The following ASXL3 variants were observed in gnomAD, a reference collection of about 807,000 sequenced individuals.
The protein encoded by ASXL3 is putative Polycomb group protein ASXL3.
In ASXL3, 34 loss-of-function variants were observed where a neutral mutation model predicts 170.6. The ratio of observed to expected loss-of-function variants is 0.20; its 90% CI spans 0.15 to 0.27. The LOEUF is 0.27. ASXL3 is among the 10% of genes least tolerant of loss of function. ASXL3 has a pLI of 1.00. For missense variants in ASXL3, 2,592 were observed against 2,695.3 expected (o/e 0.96, Z 0.85); for synonymous variants, 1,002 against 989.1 (o/e 1.01, Z -0.24).
In ASXL3 at chr18:33,739,484, C is replaced by G; in HGVS notation, c.2080C>G (p.Leu694Val). ...TTCACCTGAAATATCAGAAGCATCT[C>G]TTATGTCCAACTTACCATTAACATC... is the stretch of plus-strand genomic sequence containing the variant. ...STSPEISEASLMSNLPLTSEA... is the reference protein window; with the variant it reads ...STSPEISEASVMSNLPLTSEA... Residue 694 changes from leucine (L) to valine (V), a missense_variant, in exon 11 of 12, where the codon CTT becomes GTT. Leu to Val is a conservative substitution (Grantham distance 32, BLOSUM62 1). This residue lies in a region of ASXL3 where 2,246 missense variants were observed against 2,219.6 expected (regional missense o/e 1.01). Transcript: ENST00000269197. The G allele has an allele frequency of 6.2e-7, 1 of 1,613,968 alleles. No homozygotes were observed. The highest frequency in any genetic ancestry group is 8.5e-7 in the Non-Finnish European group (1 of 1,179,872).
chr18:33,688,073 T>C (rs2066626303), intron 8 of ASXL3, among the ~76,000 whole-genome samples: 1 of 152,222 alleles, frequency 6.6e-6, no homozygotes, highest in Non-Finnish European at 1.5e-5. Flanking sequence ...GGGAGAATAC[T>C]GGTATTTCAT....
rs61734123 is a variant in ASXL3 at position 33,739,987 on chromosome 18, A to G, written c.2583A>G (p.Ile861Met). Residue 861 changes from isoleucine (I) to methionine (M), a missense_variant, in exon 11 of 12, where the codon ATA becomes ATG. Ile to Met is a conservative substitution (Grantham distance 10). Coordinates refer to ENST00000269197, the MANE Select transcript of ASXL3 (RefSeq NM_030632.3). ...CAGAACTTGCTTCTACTGAAATGAT[A>G]AAAGTTAAAAATCATAGCGTCCTGC... ...SIPELASTEM[I>M]KVKNHSVLQR... The G allele has an allele frequency of 9.9e-6, 16 of 1,613,838 alleles. No homozygotes were observed. Among genetic ancestry groups the G allele is most frequent in the East Asian group, 2.2e-5 (1 of 44,900 alleles).
intron 2 of ASXL3, among the ~76,000 whole-genome samples, chr18:33,639,946 C>T (rs190791636): frequency 8.8e-4 from 134 of 152,150 alleles, no homozygotes; most frequent in African/African-American, 3.1e-3. Context: ...AAAAGAGTGC[C>T]AATACTGCAT....
At position 33,742,320 on chromosome 18, in the gene ASXL3, G is replaced by C. The variant is rs1466957923; in HGVS notation, c.3040-568G>C. ...GCAGCATGCAAGGTAGCATAGGAGT[G>C]CATAAAAATCATAGAGTTCTTGGCT... On this transcript the variant is annotated intron_variant, in intron 11 of 11. Transcript: ENST00000269197. Among the ~76,000 whole-genome samples, 4 of 152,160 alleles carry C rather than the reference G, an allele frequency of 2.6e-5. No homozygotes were observed. In the East Asian group the frequency reaches 7.7e-4, roughly 29 times the overall value.
chr18:33,742,621 TAAG>T (rs2067683027), intron 11 of ASXL3, among the ~76,000 whole-genome samples: 2 of 152,228 alleles, frequency 1.3e-5, no homozygotes, highest in South Asian at 4.1e-4. Flanking sequence ...TATGATGCAT[TAAG>T]AAGATTCTTC....
At chr18:33,731,868 A>G in intron 8 of ASXL3, 100 bp from the exon 9 acceptor site, 2 of 803,906 alleles carry the variant, frequency 2.5e-6, no homozygotes, top group Non-Finnish European at 4.1e-6. Context: ...CTCCTCACAC[A>G]TACACTGCCC....
chr18:33,646,368 T>C lies in ASXL3; in HGVS notation c.355+15T>C, dbSNP rs749391964. On this transcript the variant is annotated intron_variant, in intron 4 of 11. Coordinates refer to ENST00000269197, the MANE Select transcript of ASXL3 (RefSeq NM_030632.3). ...AGAAAATGGAGGTAAGTGTGATGAA[T>C]TCCAAAATATAATCCCTTGTTCTCT... 6.4e-7 allele frequency: 1 copy of C among 1,556,362 alleles called. No homozygotes were observed. Among genetic ancestry groups the C allele is most frequent in the Non-Finnish European group, 8.8e-7 (1 of 1,132,314 alleles).
At chr18:33,690,277 T>C (rs1053783034) in intron 8 of ASXL3, 3 of 152,194 alleles carry the variant, frequency 2.0e-5, no homozygotes, top group African/African-American at 7.2e-5. Flanking sequence ...AAGCCATGGT[T>C]CCCATTAGTG....
In ASXL3 at chr18:33,578,646, G is replaced by A. The variant is rs748441065; in HGVS notation, c.15G>A (p.Arg5=). 7.3e-6 allele frequency: 10 copies of A among 1,362,902 alleles called. No homozygotes were observed. Among genetic ancestry groups the A allele is most frequent in the African/African-American group, 1.5e-5 (1 of 65,768 alleles). The allele number at this position is 1,362,902 out of a possible 1,614,324, so 84.4% of individuals were successfully genotyped here. ...GAGATGCAAACATGAAAGACAAGAG[G>A]AAGAAGAAGGACCGCACCTGGGCCG... MKDK[R]KKKDRTWAEA... Residue 5 remains arginine (R), a synonymous_variant, in exon 1 of 12, where the codon AGG becomes AGA. Coordinates refer to ENST00000269197, the MANE Select transcript of ASXL3 (RefSeq NM_030632.3).
At chr18:33,698,944 C>T (rs530973153) in intron 8 of ASXL3, among the ~76,000 whole-genome samples, 42 of 152,136 alleles carry the variant, frequency 2.8e-4, no homozygotes, top group African/African-American at 8.7e-4. Flanking sequence ...AGGCTGTGCC[C>T]GTTCGTGCTA....
At chr18:33,588,655 G>T (rs567529859) in intron 1 of ASXL3, among the ~76,000 whole-genome samples, 1 of 152,182 alleles carries the variant, frequency 6.6e-6, no homozygotes, top group Non-Finnish European at 1.5e-5. Flanking sequence ...ACACATTCAG[G>T]AGAATCAAAT....
chr18:33,650,894 G>A (rs1162699337), intron 4 of ASXL3, among the ~76,000 whole-genome samples: 1 of 152,040 alleles, frequency 6.6e-6, no homozygotes, highest in African/African-American at 2.4e-5. Flanking sequence ...TCTATGTATA[G>A]CTTATTAATC....
chr18:33,694,013 T>C (rs1407541962), intron 8 of ASXL3, among the ~76,000 whole-genome samples: 1 of 152,178 alleles, frequency 6.6e-6, no homozygotes, highest in African/African-American at 2.4e-5. Flanking sequence ...TAACACACTT[T>C]GGATATGATC....
intron 10 of ASXL3, 24 bp from the exon 11 acceptor site, chr18:33,738,463 A>G: frequency 6.4e-7 from 1 of 1,564,208 alleles, no homozygotes; most frequent in African/African-American, 1.4e-5. Flanking sequence ...GTTGAGCAAT[A>G]ATTTATTTCT....
chr18:33,653,812 T>A (rs1014750916), intron 4 of ASXL3, among the ~76,000 whole-genome samples: 7 of 152,002 alleles, frequency 4.6e-5, no homozygotes, highest in African/African-American at 1.7e-4. Context: ...TAGAGAATAT[T>A]TTTTTCTTTA....
chr18:33,744,257 C>G lies in ASXL3; in HGVS notation c.4409C>G (p.Pro1470Arg). Residue 1470 changes from proline to arginine, a missense_variant, in exon 12 of 12, where the codon CCG becomes CGG. Physicochemically the swap from Pro to Arg is moderately radical, Grantham distance 103. This residue lies in a region of ASXL3 where 2,246 missense variants were observed against 2,219.6 expected (regional missense o/e 1.01). Transcript: ENST00000269197. ...FAPAAINRSIPCKVIVDHSTT... is the reference protein window; with the variant it reads ...FAPAAINRSIRCKVIVDHSTT... The stretch of plus-strand genomic sequence containing the variant: ...CCAGCAGCCATAAACCGATCAATTC[C>G]GTGTAAAGTCATCGTTGACCACAGC... The G allele has an allele frequency of 6.2e-7, 1 of 1,613,966 alleles. No homozygotes were observed. The highest frequency in any genetic ancestry group is 8.5e-7 in the Non-Finnish European group (1 of 1,179,894).
intron 8 of ASXL3, among the ~76,000 whole-genome samples, chr18:33,721,104 G>A (rs1259317776): frequency 6.6e-6 from 1 of 151,948 alleles, no homozygotes; most frequent in Non-Finnish European, 1.5e-5. Context: ...AATGAAACCT[G>A]TTTCTCTTAG....
chr18:33,746,425 G>A lies in ASXL3; in HGVS notation c.6577G>A (p.Ala2193Thr), dbSNP rs764681709. 6 of 1,613,904 alleles carry A rather than the reference G, an allele frequency of 3.7e-6. No homozygotes were observed. The highest frequency in any genetic ancestry group is 1.6e-4 in the Middle Eastern group (1 of 6,084). Reference sequence around the variant, plus strand: ...TGCCACAGGCTTGTCTGGTCAGAACGCTCAGATGCCCGTTCAGAACTTTGC... The same window carrying A: ...TGCCACAGGCTTGTCTGGTCAGAACACTCAGATGCCCGTTCAGAACTTTGC... ...NPATGLSGQN[A>T]QMPVQNFADS... is the part of the protein sequence containing the mutation. The change falls in exon 12 of 12, where the codon GCT (alanine) becomes ACT (threonine). Residue 2193 changes from alanine to threonine, a missense_variant. This residue lies in a region of ASXL3 where 2,246 missense variants were observed against 2,219.6 expected (regional missense o/e 1.01). Coordinates refer to ENST00000269197, the MANE Select transcript of ASXL3 (RefSeq NM_030632.3).
intron 2 of ASXL3, chr18:33,625,757 TAATATAGATAGAA>T (rs2065593403): frequency 6.6e-6 from 1 of 152,210 alleles, no homozygotes; most frequent in South Asian, 2.1e-4. Context: ...TTCTTTGTTT[TAATATAGATAGAA>T]AATAACTGAC....
Sources: gnomAD v4.1 joint callset for allele counts (sites outside exome capture counted in the v4.1 genomes callset) on GRCh38, gnomAD v4.1.1 for gene constraint, gnomAD v4.1.1 regional missense constraint, MANE v1.5 for transcripts, NCBI Gene and HGNC (gene_info 2026-07-23, HGNC 2026-07-21) for gene names.